The following DPP8 variants were observed in gnomAD, a reference collection of about 807,000 sequenced individuals.
DPP8 encodes the protein DPP VIII.
A neutral mutation model predicts 107.5 loss-of-function variants in DPP8; 31 were observed. The ratio of observed to expected loss-of-function variants is 0.29; its 90% CI spans 0.22 to 0.39. The LOEUF (loss-of-function observed/expected upper bound fraction) is 0.39. Among genes scored for constraint, DPP8 ranks in the 10% least tolerant of loss-of-function variants. The probability of loss-of-function intolerance (pLI) is 1.00; values close to 1 mark genes in which losing one functional copy is unlikely to be tolerated. For synonymous variants in DPP8, 381 were observed against 356.6 expected (o/e 1.07, Z -0.77); for missense variants, 842 against 1,076.1 (o/e 0.78, Z 3.04).
chr15:65,500,996 G>A (rs536626789), intron 3 of DPP8, among the ~76,000 whole-genome samples: 220 of 149,980 alleles, frequency 1.5e-3, no homozygotes, highest in African/African-American at 5.2e-3. Context: ...TCCTGCCTCA[G>A]CCTTCCTAGT....
chr15:65,448,253 G>A (rs1256313261), intron 19 of DPP8, among the ~76,000 whole-genome samples: 1 of 151,906 alleles, frequency 6.6e-6, no homozygotes, highest in Non-Finnish European at 1.5e-5. Flanking sequence ...AAAATTCCTT[G>A]GCTGAGCATG....
Position 65,478,991 on chromosome 15 carries a change from C to T in DPP8, c.1345G>A (p.Glu449Lys). ...VFPQSHEEEI[E>K]FIFASECKTG... ...TTGCATTCAGAGGCAAAAATAAACT[C>T]AATTTCCTCTTCGTGACTTTGGGGA... The change falls in exon 11 of 20, where the codon GAG (glutamate) becomes AAG (lysine). Residue 449 changes from glutamate to lysine, a missense_variant. Coordinates refer to ENST00000300141, the MANE Select transcript of DPP8 (RefSeq NM_130434.5). 6.3e-7 allele frequency: 1 copy of T among 1,589,892 alleles called. No individual in the cohort carries two copies. Among genetic ancestry groups the T allele is most frequent in the South Asian group, 1.2e-5 (1 of 85,366 alleles).
intron 5 of DPP8, among the ~76,000 whole-genome samples, chr15:65,494,569 G>A (rs1220934218): frequency 1.3e-5 from 2 of 149,154 alleles, no homozygotes; most frequent in African/African-American, 2.5e-5. Context: ...GCTATTCAGG[G>A]GTGCTGAGGT....
In DPP8 at chr15:65,480,316, T is replaced by C. The variant is rs754263232; in HGVS notation, c.1202A>G (p.Asp401Gly). 2.5e-6 allele frequency: 4 copies of C among 1,613,804 alleles called. No individual in the cohort carries two copies. Among genetic ancestry groups the C allele is most frequent in the Non-Finnish European group, 3.4e-6 (4 of 1,179,860 alleles). The change falls in exon 10 of 20, where the codon GAT (aspartate) becomes GGT (glycine). Residue 401 changes from aspartate to glycine, a missense_variant. Around this residue, in one of 2 missense-constraint regions of DPP8, gnomAD observed 663 missense variants for 758.0 expected, o/e 0.87. Coordinates refer to ENST00000300141, the MANE Select transcript of DPP8 (RefSeq NM_130434.5). ...GAGTCTCTGCCTTTCCATAACATCA[T>C]CTTCTACTGGGATAAATAATTCAGG... ...ISPELFIPVEDDVMERQRLIE... is the reference protein window; with the variant it reads ...ISPELFIPVEGDVMERQRLIE...
At chr15:65,449,722 T>C (rs1302790120) in intron 19 of DPP8, among the ~76,000 whole-genome samples, 1 of 152,134 alleles carries the variant, frequency 6.6e-6, no homozygotes, top group Admixed American at 6.6e-5. Context: ...ATTTCATAAC[T>C]ACATACTCTG....
chr15:65,447,200 G>C (rs188085798), intron 19 of DPP8, among the ~76,000 whole-genome samples, 194 bp from the exon 20 acceptor site: 1 of 151,980 alleles, frequency 6.6e-6, no homozygotes, highest in East Asian at 1.9e-4. Context: ...TAGGCTTAAT[G>C]ATGGATTTAT....
chr15:65,486,450 G>C (rs924574529), intron 7 of DPP8, among the ~76,000 whole-genome samples: 3 of 151,954 alleles, frequency 2.0e-5, no homozygotes, highest in Non-Finnish European at 4.4e-5. Context: ...AGCTACTCAG[G>C]AGGCTGAGGT....
intron 11 of DPP8, among the ~76,000 whole-genome samples, chr15:65,476,827 G>A (rs1022178872): frequency 6.6e-6 from 1 of 152,106 alleles, no homozygotes; most frequent in East Asian, 1.9e-4. Flanking sequence ...TAAACAAAAT[G>A]TGGTATATAC....
chr15:65,498,049 C>T lies in DPP8; in HGVS notation c.547-17G>A. On this transcript the variant is annotated splice_polypyrimidine_tract_variant and intron_variant, in intron 4 of 19. Coordinates refer to ENST00000300141, the MANE Select transcript of DPP8 (RefSeq NM_130434.5). Reference sequence around the variant, plus strand: ...AGGTTGTTGCTAGAAAAGTAAACAACATTTTAAGGTAAGTATTAGGCTGAC... The same window carrying T: ...AGGTTGTTGCTAGAAAAGTAAACAATATTTTAAGGTAAGTATTAGGCTGAC... 1.3e-6 allele frequency: 2 copies of T among 1,569,472 alleles called. No homozygotes were observed. Among genetic ancestry groups the T allele is most frequent in the African/African-American group, 1.4e-5 (1 of 73,964 alleles).
chr15:65,496,936 C>T (rs1203011280), intron 5 of DPP8, among the ~76,000 whole-genome samples: 1 of 151,964 alleles, frequency 6.6e-6, no homozygotes, highest in African/African-American at 2.4e-5. Context: ...CTTGCCCAGG[C>T]TGGAGTGCAG....
At chr15:65,466,576 A>G in intron 14 of DPP8, 102 bp downstream of exon 14, 1 of 1,052,708 alleles carries the variant, frequency 9.5e-7, no homozygotes, top group Non-Finnish European at 1.4e-6. Flanking sequence ...CAGTGGTGAG[A>G]GATGGAAAGA....
intron 12 of DPP8, among the ~76,000 whole-genome samples, chr15:65,472,932 G>A (rs2066030186): frequency 6.6e-6 from 1 of 152,068 alleles, no homozygotes; most frequent in African/African-American, 2.4e-5. Flanking sequence ...CAGCTACCTG[G>A]GAGGCTGAGG....
intron 15 of DPP8, chr15:65,459,379 T>A (rs1427049835): frequency 6.7e-6 from 1 of 150,246 alleles, no homozygotes; most frequent in East Asian, 2.0e-4. Context: ...GGTCTCCCTA[T>A]CTGGTCTCGA....
rs753885174 is a variant in DPP8, at chr15:65,446,957, T to C, written c.2576A>G (p.His859Arg). ...HSIRVPESGE[H>R]YELHLLHYLQ... ...GTAGTGCAAAAGATGCAGTTCATAA[T>C]GTTCTCCCGATTCAGGAACTCTTAT... The change falls in exon 20 of 20, where the codon CAT becomes CGT. Residue 859 changes from histidine (H) to arginine (R), a missense_variant. By Grantham distance (29) the His-to-Arg change is conservative. Transcript: ENST00000300141. The C allele has an allele frequency of 6.2e-7, 1 of 1,612,702 alleles. No homozygotes were observed. Among genetic ancestry groups the C allele is most frequent in the Non-Finnish European group, 8.5e-7 (1 of 1,179,116 alleles).
intron 2 of DPP8, among the ~76,000 whole-genome samples, chr15:65,510,830 C>T (rs1391926091): frequency 3.9e-5 from 6 of 152,158 alleles, no homozygotes; most frequent in South Asian, 2.1e-4. Context: ...TGTGCCACTG[C>T]GCCCAGCCAC....
chr15:65,462,611 C>T (rs529364106), intron 15 of DPP8, among the ~76,000 whole-genome samples: 2 of 152,140 alleles, frequency 1.3e-5, no homozygotes, highest in South Asian at 4.2e-4. Flanking sequence ...GACAGAGTCT[C>T]GCTCTGTCAC....
chr15:65,484,981 C>G (rs759795750), intron 8 of DPP8, 118 bp downstream of exon 8: 14 of 769,176 alleles, frequency 1.8e-5, no homozygotes, highest in Non-Finnish European at 3.1e-5. Context: ...AATCATGATC[C>G]ACCGATATCT....
chr15:65,482,018 ATGTG>A (rs202150747), intron 8 of DPP8, among the ~76,000 whole-genome samples: 2 of 150,650 alleles, frequency 1.3e-5, no homozygotes, highest in Admixed American at 6.7e-5. Flanking sequence ...ATACATATAT[ATGTG>A]TGTGTGTGTG....
At chr15:65,452,211 C>A in intron 17 of DPP8, 109 bp from the exon 18 acceptor site, 1 of 1,298,082 alleles carries the variant, frequency 7.7e-7, no homozygotes, top group Non-Finnish European at 1.0e-6. Context: ...TAAGCTTTAG[C>A]CTTACTACTG....
Sources: allele counts gnomAD v4.1 joint callset (sites outside exome capture counted in the v4.1 genomes callset), GRCh38; gene constraint gnomAD v4.1.1; regional missense constraint gnomAD v4.1.1; transcripts MANE v1.5; gene names NCBI Gene and HGNC (gene_info 2026-07-23, HGNC 2026-07-21).